Variants in KIAA1217 observed in about 807,000 individuals in gnomAD.
The protein encoded by KIAA1217 is KIAA1217, also known as sickle tail protein homolog.
In KIAA1217, 88 loss-of-function variants were observed where a neutral mutation model predicts 163.9. The ratio of observed to expected loss-of-function variants is 0.54; its 90% CI spans 0.45 to 0.64. The LOEUF (loss-of-function observed/expected upper bound fraction) is 0.64, where lower values mean the gene tolerates loss of function less well. Ranked by LOEUF, KIAA1217 falls within the 30% of genes least tolerant of loss-of-function variation. The pLI is 0.00. For missense variants in KIAA1217, 2,372 were observed against 2,475.0 expected, an observed-to-expected ratio of 0.96 and a Z score of 0.88; for synonymous variants, 903 against 923.1, an observed-to-expected ratio of 0.98 and a Z score of 0.39.
Position 24,528,163 on chromosome 10 carries a change from T to G in KIAA1217, c.3082+44T>G, listed in dbSNP as rs369579935. The G allele has an allele frequency of 2.6e-6, 4 of 1,568,154 alleles. No homozygotes were observed. In the African/African-American group the frequency reaches 5.4e-5, roughly 21 times the overall value. On this transcript the variant is annotated intron_variant, in intron 14 of 20. Transcript: ENST00000376454. ...GCAGGAATATATGGAGGTACATGGC[T>G]TTGGGCAAATACAGTGCCATCCACG...
At chr10:24,484,241 A>ATATATATATATATATATATTTGT (rs1376083298) in intron 6 of KIAA1217, among the ~76,000 whole-genome samples, 1 of 75,146 alleles carries the variant, frequency 1.3e-5, no homozygotes, top group African/African-American at 4.9e-5. Context: ...ATATATATAT[A>ATATATATATATATATATATTTGT]TTTTTTTTTT....
chr10:24,369,157 A>G (rs2051205094), intron 2 of KIAA1217, among the ~76,000 whole-genome samples: 1 of 150,786 alleles, frequency 6.6e-6, no homozygotes, highest in South Asian at 2.1e-4. Flanking sequence ...TTTGGTGCAG[A>G]AAGCTAGTTA....
chr10:24,146,306 A>T (rs989202762), intron 2 of KIAA1217, among the ~76,000 whole-genome samples: 13 of 152,218 alleles, frequency 8.5e-5, no homozygotes, highest in African/African-American at 3.1e-4. Flanking sequence ...TAAGTTTTTA[A>T]GTTATATGAA....
chr10:23,773,163 C>T (rs1834867741), intron 1 of KIAA1217, among the ~76,000 whole-genome samples: 1 of 152,170 alleles, frequency 6.6e-6, no homozygotes, highest in Admixed American at 6.6e-5. Context: ...TATCTTCATT[C>T]ATCATCAAAC....
At chr10:24,340,901 T>C (rs1000844161) in intron 2 of KIAA1217, among the ~76,000 whole-genome samples, 1 of 152,232 alleles carries the variant, frequency 6.6e-6, no homozygotes, top group Admixed American at 6.5e-5. Flanking sequence ...AGTTTTCTAG[T>C]GGATGGGAAT....
chr10:24,040,038 T>C (rs1232605791), intron 2 of KIAA1217, among the ~76,000 whole-genome samples: 1 of 152,162 alleles, frequency 6.6e-6, no homozygotes, highest in Non-Finnish European at 1.5e-5. Context: ...AATGCTTCTA[T>C]CCACACTGCA....
At chr10:24,200,311 G>A (rs1003880103) in intron 2 of KIAA1217, among the ~76,000 whole-genome samples, 2 of 151,672 alleles carry the variant, frequency 1.3e-5, no homozygotes, top group Non-Finnish European at 1.5e-5. Flanking sequence ...CGGGCTTCCG[G>A]CTAATTTTCT....
At chr10:24,433,292 T>G (rs1442953333) in intron 4 of KIAA1217, 99 bp downstream of exon 4, 2 of 834,034 alleles carry the variant, frequency 2.4e-6, no homozygotes, top group African/African-American at 3.5e-5. Flanking sequence ...CCCACTATAT[T>G]GCATTTAGAG....
rs974424138 is a variant in KIAA1217, at chr10:23,833,148, T to C, written c.-321+137914T>C. ...CTCCAGTATATCTGTAAAATGGAGA[T>C]AGTAATAACACCTATTTTATAAGGC... On this transcript the variant is annotated intron_variant, in intron 1 of 18. Transcript: ENST00000376462. Among the ~76,000 whole-genome samples, 8 of 152,284 alleles carry C rather than the reference T, an allele frequency of 5.3e-5. No individual in the cohort carries two copies. The South Asian group carries it at 1.2e-3, about 24-fold the overall frequency.
At chr10:24,423,151 T>G (rs1435304199) in intron 3 of KIAA1217, among the ~76,000 whole-genome samples, 1 of 152,092 alleles carries the variant, frequency 6.6e-6, no homozygotes, top group Non-Finnish European at 1.5e-5. Context: ...TCTCCTGACC[T>G]CGTGATCCAC....
intron 2 of KIAA1217, among the ~76,000 whole-genome samples, chr10:24,157,678 A>G (rs1324060538): frequency 1.3e-5 from 2 of 152,232 alleles, no homozygotes; most frequent in African/African-American, 2.4e-5. Flanking sequence ...AATTTTCAAC[A>G]TAATTGTTTA....
At chr10:23,768,879 A>G (rs1288561104) in intron 1 of KIAA1217, among the ~76,000 whole-genome samples, 1 of 152,156 alleles carries the variant, frequency 6.6e-6, no homozygotes, top group Non-Finnish European at 1.5e-5. Flanking sequence ...TCCACAAGGA[A>G]CAACCTCCCA....
chr10:23,749,224 G>T (rs1839601939), intron 1 of KIAA1217, among the ~76,000 whole-genome samples: 1 of 152,008 alleles, frequency 6.6e-6, no homozygotes, highest in Non-Finnish European at 1.5e-5. Context: ...AATCCACTGT[G>T]GTTTTCTACC....
intron 2 of KIAA1217, among the ~76,000 whole-genome samples, chr10:24,122,474 A>G (rs1343404002): frequency 1.3e-5 from 2 of 152,210 alleles, no homozygotes; most frequent in Non-Finnish European, 2.9e-5. Context: ...TATTCAACAT[A>G]TCAGAATAGT....
At chr10:23,944,566 A>T (rs973167727) in intron 1 of KIAA1217, among the ~76,000 whole-genome samples, 2 of 152,260 alleles carry the variant, frequency 1.3e-5, no homozygotes, top group African/African-American at 4.8e-5. Context: ...AATGATAAAC[A>T]TGTATAAAAG....
chr10:24,232,935 C>CAAAAAAAAAAAAAAAAA (rs908492411), intron 2 of KIAA1217, among the ~76,000 whole-genome samples: 4 of 56,318 alleles, frequency 7.1e-5, no homozygotes, highest in African/African-American at 7.4e-5. Flanking sequence ...CTTATCTCTA[C>CAAAAAAAAAAAAAAAAA]AAAAAAAAAA....
intron 6 of KIAA1217, among the ~76,000 whole-genome samples, chr10:24,476,694 A>G (rs1663350850): frequency 1.3e-5 from 2 of 152,196 alleles, no homozygotes; most frequent in Admixed American, 1.3e-4. Flanking sequence ...TTTATCTCAT[A>G]CATCTTGCCA....
rs569668506 is a variant in KIAA1217, at chr10:24,144,468, T to C, written c.-170-75158T>C. Among the ~76,000 whole-genome samples the C allele has an allele frequency of 3.9e-5, 6 of 152,348 alleles. No individual in the cohort carries two copies. The South Asian group carries it at 8.3e-4, about 21-fold the overall frequency. On this transcript the variant is annotated intron_variant, in intron 2 of 18. Coordinates refer to the KIAA1217 transcript ENST00000376462. ...TGCTTTGCCCTCATGCTTTCATGGCTGATTGCAAAGACAAGAGGGGTAACT... is the reference window on the plus strand; with the variant it reads ...TGCTTTGCCCTCATGCTTTCATGGCCGATTGCAAAGACAAGAGGGGTAACT...
chr10:23,742,494 G>A (rs1301760416), intron 1 of KIAA1217, among the ~76,000 whole-genome samples: 1 of 152,180 alleles, frequency 6.6e-6, no homozygotes, highest in Non-Finnish European at 1.5e-5. Flanking sequence ...CTTCTGGGGA[G>A]GGCTTGGGGA....
Sources: gnomAD v4.1 joint callset for allele counts (sites outside exome capture counted in the v4.1 genomes callset) on GRCh38, gnomAD v4.1.1 for gene constraint, MANE v1.5 for transcripts, NCBI Gene and HGNC (gene_info 2026-07-23, HGNC 2026-07-21) for gene names.